The following ING2 variants were observed in gnomAD, a reference collection of about 807,000 sequenced individuals.
ING2 encodes the protein inhibitor of growth protein 2.
A neutral mutation model predicts 30.6 loss-of-function variants in ING2; 7 were observed. The ratio of observed to expected loss-of-function variants is 0.23; its 90% CI spans 0.13 to 0.43. The LOEUF is 0.43. ING2 is among the 20% of genes least tolerant of loss of function. ING2 has a pLI of 1.00. For synonymous variants in ING2, 136 were observed against 121.7 expected, an observed-to-expected ratio of 1.12 and a Z score of -0.78; for missense variants, 239 against 334.9, an observed-to-expected ratio of 0.71 and a Z score of 2.24.
Position 183,510,546 on chromosome 4 carries a change from A to C in ING2, c.437A>C (p.Glu146Ala). 1 of 1,614,138 alleles carries C rather than the reference A, an allele frequency of 6.2e-7. No individual in the cohort carries two copies. Among genetic ancestry groups the C allele is most frequent in the African/African-American group, 1.3e-5 (1 of 75,076 alleles). The change falls in exon 2 of 2, where the codon GAA becomes GCA. Residue 146 changes from glutamate (E) to alanine (A), a missense_variant. By Grantham distance (107) the Glu-to-Ala change is moderately radical. Transcript: ENST00000302327. Reference sequence around the variant, plus strand: ...GCAAAGATGGATTCCAGCCAACCAGAAAGATCTTCAAGAAGACCCCGCAGG... The same window carrying C: ...GCAAAGATGGATTCCAGCCAACCAGCAAGATCTTCAAGAAGACCCCGCAGG... ...DKAKMDSSQP[E>A]RSSRRPRRQR...
rs201346892 is a variant in ING2, at chr4:183,510,565, C to T, written c.456C>T (p.Pro152=). ...AACCAGAAAGATCTTCAAGAAGACC[C>T]CGCAGGCAGCGGACCAGTGAAAGCC... ...SSQPERSSRR[P]RRQRTSESRD... Residue 152 remains proline, a synonymous_variant, in exon 2 of 2, where the codon CCC becomes CCT. Transcript: ENST00000302327. The T allele has an allele frequency of 1.1e-5, 17 of 1,614,052 alleles. No homozygotes were observed. The highest frequency in any genetic ancestry group is 3.3e-5 in the Admixed American group (2 of 60,020).
rs939435363 is a variant in ING2 at position 183,505,166 on chromosome 4, G to A, written c.-30G>A. Reference sequence around the variant, plus strand: ...GGTGCATGTGCGGCTGCTGGATGCGGAGGCGGCGGCGACGGCGCGGATCGG... The same window carrying A: ...GGTGCATGTGCGGCTGCTGGATGCGAAGGCGGCGGCGACGGCGCGGATCGG... On this transcript the variant is annotated 5_prime_UTR_variant, in exon 1 of 2. Transcript: ENST00000302327. 6 of 1,583,486 alleles carry A rather than the reference G, an allele frequency of 3.8e-6. No individual in the cohort carries two copies. The Admixed American group carries it at 1.0e-4, about 28-fold the overall frequency.
At chr4:183,506,597 A>C (rs1394490648) in intron 1 of ING2, among the ~76,000 whole-genome samples, 3 of 152,198 alleles carry the variant, frequency 2.0e-5, no homozygotes, top group Non-Finnish European at 4.4e-5. Context: ...TAGTATGGAA[A>C]CAGCCATACG....
At chr4:183,506,547 T>G (rs563147147) in intron 1 of ING2, among the ~76,000 whole-genome samples, 5 of 152,196 alleles carry the variant, frequency 3.3e-5, no homozygotes, top group Non-Finnish European at 7.4e-5. Flanking sequence ...GGAAATGTGT[T>G]GCGCTTAATA....
chr4:183,511,165 TGAAAG>T lies in ING2; in HGVS notation c.*216_*220del, dbSNP rs1330293957. On this transcript the variant is annotated 3_prime_UTR_variant, in exon 2 of 2. Coordinates refer to ENST00000302327, the MANE Select transcript of ING2 (RefSeq NM_001564.4). ...ACCAGGTAGTCTTCAGATCACCTGA[TGAAAG>T]GAGCAGGGAACAGGAAGAGGGTGGT... The T allele has an allele frequency of 9.3e-5, 41 of 440,750 alleles. No homozygotes were observed. The highest frequency in any genetic ancestry group is 7.6e-4 in the African/African-American group (38 of 49,906). The allele number at this position is 440,750 out of a possible 1,614,324, so 27.3% of individuals were successfully genotyped here. A position where few individuals can be genotyped will look rare whatever the true frequency, so the allele number is the denominator to read the frequency against.
intron 1 of ING2, among the ~76,000 whole-genome samples, chr4:183,507,467 G>A (rs1734679010): frequency 6.6e-6 from 1 of 152,214 alleles, no homozygotes; most frequent in Non-Finnish European, 1.5e-5. Context: ...GCTATTTGAA[G>A]TTGGTGAGGG....
chr4:183,508,349 C>T (rs1734730288), intron 1 of ING2, among the ~76,000 whole-genome samples: 1 of 151,760 alleles, frequency 6.6e-6, no homozygotes, highest in East Asian at 1.9e-4. Flanking sequence ...AAGAGGTTTG[C>T]CTCTTTTTTT....
chr4:183,511,653 C>G lies in ING2; in HGVS notation c.*701C>G, dbSNP rs1054813668. Among the ~76,000 whole-genome samples the G allele has an allele frequency of 1.6e-4, 25 of 152,156 alleles. No individual in the cohort carries two copies. Among genetic ancestry groups the G allele is most frequent in the Admixed American group, 1.6e-3 (25 of 15,278 alleles). On this transcript the variant is annotated 3_prime_UTR_variant, in exon 2 of 2. Transcript: ENST00000302327. ...GTTTTGTGTTTTCTTTTAATTGGGA[C>G]AGGTAAGAGTAGTTAGCATACCAAA... is the stretch of plus-strand genomic sequence containing the variant.
Position 183,511,555 on chromosome 4 carries a change from G to A in ING2, c.*603G>A, listed in dbSNP as rs757523503. Among the ~76,000 whole-genome samples the A allele has an allele frequency of 6.6e-6, 1 of 152,202 alleles. No individual in the cohort carries two copies. The highest frequency in any genetic ancestry group is 2.4e-5 in the African/African-American group (1 of 41,448). On this transcript the variant is annotated 3_prime_UTR_variant, in exon 2 of 2. Transcript: ENST00000302327. ...TTGCTTAGTAGCATTTTGATCCACT[G>A]TCAGTAGCCCATTTGTCAATGCCTT... is the stretch of plus-strand genomic sequence containing the variant.
intron 1 of ING2, among the ~76,000 whole-genome samples, chr4:183,505,877 T>C (rs1422368789): frequency 6.6e-6 from 1 of 152,016 alleles, no homozygotes; most frequent in Non-Finnish European, 1.5e-5. Flanking sequence ...TCCTCCGCGC[T>C]CCTGCCCCGG....
At chr4:183,510,157 T>A in intron 1 of ING2, 125 bp from the exon 2 acceptor site, 1 of 658,460 alleles carries the variant, frequency 1.5e-6, no homozygotes, top group Non-Finnish European at 2.6e-6. Context: ...AATGTATATG[T>A]ACCAAAGAGG....
Position 183,505,123 on chromosome 4 carries a change from CCCGCGGCGG to C in ING2, c.-65_-57del. The C allele has an allele frequency of 1.4e-6, 2 of 1,428,520 alleles. No individual in the cohort carries two copies. Among genetic ancestry groups the C allele is most frequent in the Non-Finnish European group, 1.8e-6 (2 of 1,087,894 alleles). The allele number at this position is 1,428,520 out of a possible 1,614,324, so 88.5% of individuals were successfully genotyped here. A position where few individuals can be genotyped will look rare whatever the true frequency, so the allele number is the denominator to read the frequency against. On this transcript the variant is annotated 5_prime_UTR_variant, in exon 1 of 2. Transcript: ENST00000302327. ...CGGCGCCGGGCTGCTGAGCTGAGGG[CCCGCGGCGG>C]CCGCGGCCGGTGCATGTGCGGCTGC...
chr4:183,505,098 C>A lies in ING2; in HGVS notation c.-98C>A. On this transcript the variant is annotated 5_prime_UTR_variant, in exon 1 of 2. Transcript: ENST00000302327. ...CTCTCGAGCGGCTGCGGGGTCCCCG[C>A]GGCGCCGGGCTGCTGAGCTGAGGGC... The A allele has an allele frequency of 8.2e-7, 1 of 1,213,324 alleles. No individual in the cohort carries two copies. The highest frequency in any genetic ancestry group is 1.1e-6 in the Non-Finnish European group (1 of 949,022). 75.2% of individuals were successfully genotyped at this position (1,213,324 alleles called of 1,614,324 possible).
chr4:183,506,451 G>C (rs749794893), intron 1 of ING2: 273 of 547,332 alleles, frequency 5.0e-4, no homozygotes, highest in Non-Finnish European at 8.3e-4. Context: ...TTTGCCGGCC[G>C]ACCCGGGAAC....
At chr4:183,508,641 T>A (rs1444872107) in intron 1 of ING2, among the ~76,000 whole-genome samples, 1 of 152,224 alleles carries the variant, frequency 6.6e-6, no homozygotes, top group African/African-American at 2.4e-5. Context: ...TTTGTGTGCC[T>A]TACTTGCAGA....
At chr4:183,506,475 G>A (rs548594903) in intron 1 of ING2, among the ~76,000 whole-genome samples, 57 of 152,124 alleles carry the variant, frequency 3.7e-4, no homozygotes, top group Non-Finnish European at 7.9e-4. Context: ...GGACAGAATC[G>A]ACCTTCCTTA....
rs116759117 is a variant in ING2, at chr4:183,511,420, G to A, written c.*468G>A. On this transcript the variant is annotated 3_prime_UTR_variant, in exon 2 of 2. Transcript: ENST00000302327. ...GCTTTTTCCCTAGTCCTATTTATAC[G>A]TTGGCTTGTTCATCTCTAGTCTTCT... 9.2e-3 allele frequency among the ~76,000 whole-genome samples: 1,407 copies of A among 152,252 alleles called. 10 individuals are homozygous for A. The highest frequency in any genetic ancestry group is 0.015 in the Non-Finnish European group (1,037 of 68,020).
At chr4:183,510,071 GTTCT>G (rs1734785991) in intron 1 of ING2, among the ~76,000 whole-genome samples, 1 of 152,160 alleles carries the variant, frequency 6.6e-6, no homozygotes, top group South Asian at 2.1e-4. Context: ...TTAGTTTTGT[GTTCT>G]TTCTTTTCAT....
At chr4:183,506,017 G>C in intron 1 of ING2, 1 of 938,300 alleles carries the variant, frequency 1.1e-6, no homozygotes, top group South Asian at 2.0e-5. Context: ...GAGAGGAAGA[G>C]AGGGGCGTGT....
Sources: allele counts gnomAD v4.1 joint callset (sites outside exome capture counted in the v4.1 genomes callset), GRCh38; gene constraint gnomAD v4.1.1; transcripts MANE v1.5; gene names NCBI Gene and HGNC (gene_info 2026-07-23, HGNC 2026-07-21).